The following GSG1L variants were observed in gnomAD, a reference collection of about 807,000 sequenced individuals.
GSG1L encodes the protein germ cell-specific gene 1-like protein.
GSG1L carries 24 observed loss-of-function variants against 42.1 expected under a neutral mutation model. The ratio of observed to expected loss-of-function variants is 0.57; its 90% confidence interval spans 0.41 to 0.80. The LOEUF (loss-of-function observed/expected upper bound fraction) is 0.80, where lower values mean the gene tolerates loss of function less well. GSG1L is among the 30% of genes least tolerant of loss of function. GSG1L has a pLI of 0.00. For missense variants in GSG1L, 445 were observed against 472.2 expected (o/e 0.94, Z 0.53); for synonymous variants, 215 against 203.5 (o/e 1.06, Z -0.48).
chr16:27,821,431 T>C lies in GSG1L; in HGVS notation c.830+7358A>G, dbSNP rs116049931. On this transcript the variant is annotated intron_variant, in intron 5 of 6. Transcript: ENST00000447459. ...ATAGGTGGTTTTGCAACCCTTGCCT[T>C]CCTCCCTCCCTGCTCTTGCAGTCCC... Among the ~76,000 whole-genome samples, 1,195 of 152,210 alleles carry C rather than the reference T, an allele frequency of 7.9e-3. 16 individuals are homozygous for C. The highest frequency in any genetic ancestry group is 0.027 in the African/African-American group (1,107 of 41,528).
intron 2 of GSG1L, among the ~76,000 whole-genome samples, chr16:27,924,996 T>C (rs1411359062): frequency 6.6e-6 from 1 of 152,162 alleles, no homozygotes; most frequent in Non-Finnish European, 1.5e-5. Flanking sequence ...GGGATAGCCA[T>C]GTGGATTTAG....
In GSG1L at chr16:27,973,439, C is replaced by CAAAAAAAAA. The variant is rs71140935; in HGVS notation, c.350-10245_350-10237dup. Among the ~76,000 whole-genome samples, 187 of 29,852 alleles carry CAAAAAAAAA rather than the reference C, an allele frequency of 6.3e-3. 24 individuals are homozygous for CAAAAAAAAA. The highest frequency in any genetic ancestry group is 9.0e-3 in the Admixed American group (15 of 1,662). The allele number at this position is 29,852 out of a possible 152,430, so 19.6% of individuals were successfully genotyped here. A position where few individuals can be genotyped will look rare whatever the true frequency, so the allele number is the denominator to read the frequency against. On this transcript the variant is annotated intron_variant, in intron 1 of 6. Coordinates refer to ENST00000447459, the MANE Select transcript of GSG1L (RefSeq NM_001109763.2). ...AGCCTGGGCAATAAAGACCCCATCA[C>CAAAAAAAAA]AAAAAAAAAAAAAAAAAAAAAAAAA...
chr16:27,910,021 A>G (rs1440277935), intron 2 of GSG1L, among the ~76,000 whole-genome samples: 4 of 140,896 alleles, frequency 2.8e-5, no homozygotes, highest in South Asian at 4.5e-4. Context: ...GTGTAGTGGC[A>G]TGATCTCAGC....
intron 2 of GSG1L, among the ~76,000 whole-genome samples, chr16:27,909,520 G>T (rs1200878701): frequency 6.6e-6 from 1 of 150,638 alleles, no homozygotes; most frequent in Non-Finnish European, 1.5e-5. Context: ...TCAAAGTGTT[G>T]GGATTACAGG....
chr16:27,881,576 G>A (rs2083956264), intron 3 of GSG1L, among the ~76,000 whole-genome samples: 1 of 152,122 alleles, frequency 6.6e-6, no homozygotes, highest in African/African-American at 2.4e-5. Flanking sequence ...TTTTGAGATA[G>A]CTGCAGCTGT....
At chr16:28,029,366 A>C (rs982941556) in intron 1 of GSG1L, among the ~76,000 whole-genome samples, 1 of 152,180 alleles carries the variant, frequency 6.6e-6, no homozygotes, top group Non-Finnish European at 1.5e-5. Context: ...ATTCTGAATT[A>C]TCTTTGTTTT....
intron 5 of GSG1L, among the ~76,000 whole-genome samples, chr16:27,816,086 T>C (rs1379632282): frequency 6.6e-6 from 1 of 152,226 alleles, no homozygotes; most frequent in Non-Finnish European, 1.5e-5. Flanking sequence ...TTGTCATCCT[T>C]ACCTCTGCGG....
At chr16:27,875,184 A>G (rs2083872161) in intron 3 of GSG1L, among the ~76,000 whole-genome samples, 1 of 152,064 alleles carries the variant, frequency 6.6e-6, no homozygotes, top group African/African-American at 2.4e-5. Context: ...AGAAGGCTGG[A>G]GATTATGGGG....
chr16:27,803,778 T>G (rs141012145), intron 6 of GSG1L, among the ~76,000 whole-genome samples: 1,096 of 80,874 alleles, frequency 0.014, 16 homozygotes, highest in Non-Finnish European at 0.02. Context: ...TATATATATA[T>G]ATATATATAT....
At chr16:27,986,471 A>C (rs2044137362) in intron 1 of GSG1L, among the ~76,000 whole-genome samples, 1 of 147,790 alleles carries the variant, frequency 6.8e-6, no homozygotes, top group African/African-American at 2.5e-5. Flanking sequence ...ACACCATTGC[A>C]CTCCAGCCTG....
chr16:27,884,396 C>T lies in GSG1L; in HGVS notation c.550+90G>A. On this transcript the variant is annotated intron_variant, in intron 3 of 6. Transcript: ENST00000447459. This position sits in a 1 kb window ranked among gnomAD's most constrained non-coding sequence, Gnocchi z 4.4. ...CAGAAGAGAAGCAATTTGTCCAATG[C>T]CTCCCGGTTGGTACAACCAGGGCTT... 8.1e-7 allele frequency: 1 copy of T among 1,231,474 alleles called. No homozygotes were observed. Among genetic ancestry groups the T allele is most frequent in the South Asian group, 1.6e-5 (1 of 62,484 alleles). The allele number at this position is 1,231,474 out of a possible 1,614,324, so 76.3% of individuals were successfully genotyped here.
At position 27,987,487 on chromosome 16, in the gene GSG1L, CT is replaced by C. The variant is rs552396921; in HGVS notation, c.350-24285del. Among the ~76,000 whole-genome samples, 273 of 152,304 alleles carry C rather than the reference CT, an allele frequency of 1.8e-3. 1 individual carries two copies. Among genetic ancestry groups the C allele is most frequent in the Admixed American group, 5.4e-3 (82 of 15,302 alleles). On this transcript the variant is annotated intron_variant, in intron 1 of 6. Transcript: ENST00000447459. ...GGTCTCCCTGCCCCTGCTGTGCCCC[CT>C]GGCTGTGCTGGGAAGGGTCAGACAT...
chr16:28,041,653 A>C (rs2086107272), intron 1 of GSG1L, among the ~76,000 whole-genome samples: 1 of 152,124 alleles, frequency 6.6e-6, no homozygotes, highest in African/African-American at 2.4e-5. Flanking sequence ...TATTTATCCA[A>C]ACCTAACAGA....
chr16:27,891,882 ATCTTTT>A (rs1458157635), intron 2 of GSG1L, among the ~76,000 whole-genome samples: 1 of 50,508 alleles, frequency 2.0e-5, no homozygotes, highest in Non-Finnish European at 5.0e-5. Flanking sequence ...TCAGTGACAG[ATCTTTT>A]TTTTTTTTTT....
chr16:28,062,543 C>T (rs1304779448), intron 1 of GSG1L, among the ~76,000 whole-genome samples: 1 of 152,148 alleles, frequency 6.6e-6, no homozygotes, highest in Non-Finnish European at 1.5e-5. Flanking sequence ...ACTCCCCACT[C>T]CCGTCTGGGA....
intron 3 of GSG1L, among the ~76,000 whole-genome samples, chr16:27,859,940 C>T (rs546599858): frequency 2.6e-5 from 4 of 152,238 alleles, no homozygotes; most frequent in Admixed American, 2.0e-4. Context: ...CCTCTGCCTC[C>T]CAAAGTGCTG....
chr16:27,822,996 A>G (rs5007598), intron 5 of GSG1L, among the ~76,000 whole-genome samples: 38,192 of 152,144 alleles, frequency 0.25, 5,114 homozygotes, highest in South Asian at 0.4. Flanking sequence ...GAGGCGGGTC[A>G]TTTGTTTGGC....
intron 1 of GSG1L, among the ~76,000 whole-genome samples, chr16:28,034,607 C>T (rs2086011867): frequency 6.6e-6 from 1 of 152,038 alleles, no homozygotes; most frequent in Admixed American, 6.6e-5. Context: ...CTTGTCATCC[C>T]ATGGGGTGAC....
chr16:28,053,056 G>T (rs1211119121), intron 1 of GSG1L, among the ~76,000 whole-genome samples: 1 of 152,202 alleles, frequency 6.6e-6, no homozygotes, highest in African/African-American at 2.4e-5. Flanking sequence ...CAAGGGGCTG[G>T]AGGAGTGGGG....
Sources: gnomAD v4.1 joint callset for allele counts (sites outside exome capture counted in the v4.1 genomes callset) on GRCh38, gnomAD v4.1.1 for gene constraint, Gnocchi (gnomAD v3.1) non-coding constraint, MANE v1.5 for transcripts, NCBI Gene and HGNC (gene_info 2026-07-23, HGNC 2026-07-21) for gene names.